NFIA: variants seen among roughly 807,000 people sequenced by gnomAD.
NFIA encodes nuclear factor I A.
In NFIA, 8 loss-of-function variants were observed where a neutral mutation model predicts 62.8. The observed-to-expected ratio is 0.13, with a 90% CI of 0.07 to 0.23. The LOEUF is 0.23. Among genes scored for constraint, NFIA ranks in the 10% least tolerant of loss-of-function variants. The probability of loss-of-function intolerance (pLI) is 1.00; values close to 1 mark genes in which losing one functional copy is unlikely to be tolerated. For synonymous variants in NFIA, 235 were observed against 238.1 expected (o/e 0.99, Z 0.12); for missense variants, 410 against 642.1 (o/e 0.64, Z 3.91).
At chr1:61,293,620 A>G (rs953802901) in intron 3 of NFIA, among the ~76,000 whole-genome samples, 5 of 151,642 alleles carry the variant, frequency 3.3e-5, no homozygotes, top group Non-Finnish European at 5.9e-5. Flanking sequence ...CTTCTTTGGC[A>G]TCCACCTTTC....
At chr1:61,196,956 G>C (rs1652061011) in intron 2 of NFIA, among the ~76,000 whole-genome samples, 1 of 151,888 alleles carries the variant, frequency 6.6e-6, no homozygotes, top group South Asian at 2.1e-4. Flanking sequence ...CGCGCGCTGT[G>C]TGTGTGTGAT....
chr1:61,319,903 G>T (rs1245282444), intron 3 of NFIA, among the ~76,000 whole-genome samples: 1 of 151,502 alleles, frequency 6.6e-6, no homozygotes, highest in Non-Finnish European at 1.5e-5. Flanking sequence ...ACTCTGATCT[G>T]GGCAGAGATT....
At chr1:61,406,142 C>T (rs74089323) in intron 8 of NFIA, among the ~76,000 whole-genome samples, 13,432 of 151,902 alleles carry the variant, frequency 0.088, 1,709 homozygotes, top group African/African-American at 0.28. Context: ...TGCCACAGTC[C>T]ATAAAACACT....
intron 9 of NFIA, among the ~76,000 whole-genome samples, chr1:61,421,794 C>A (rs1666634168): frequency 6.6e-6 from 1 of 152,160 alleles, no homozygotes; most frequent in Non-Finnish European, 1.5e-5. Flanking sequence ...CGGAAGAAAT[C>A]TGGCTAAATT....
chr1:61,439,089 A>G (rs942326437), intron 10 of NFIA, among the ~76,000 whole-genome samples: 5 of 151,646 alleles, frequency 3.3e-5, no homozygotes, highest in Non-Finnish European at 4.4e-5. Flanking sequence ...CTGAACATCA[A>G]TTACCTATCT....
At position 61,146,644 on chromosome 1, in the gene NFIA, G is replaced by A. The variant is rs74688459; in HGVS notation, c.559+57964G>A. ...CTCTGTGTTTGTGATTCTGTGTCAC[G>A]CTCTGTGTAAGTGACTCCATGATCA... On this transcript the variant is annotated intron_variant, in intron 2 of 10. Transcript: ENST00000403491. Among the ~76,000 whole-genome samples, 1,555 of 152,136 alleles carry A rather than the reference G, an allele frequency of 0.01. 71 individuals carry two copies. In the East Asian group the frequency reaches 0.15, roughly 14 times the overall value.
At chr1:61,207,351 A>G (rs1652964841) in intron 2 of NFIA, among the ~76,000 whole-genome samples, 1 of 152,176 alleles carries the variant, frequency 6.6e-6, no homozygotes. Flanking sequence ...CTCTCTCTCC[A>G]TGATTTTTAG....
intron 2 of NFIA, among the ~76,000 whole-genome samples, chr1:61,274,916 G>C (rs1657716610): frequency 6.6e-6 from 1 of 152,024 alleles, no homozygotes; most frequent in African/African-American, 2.4e-5. Context: ...GCTCCTTCTT[G>C]GCTGAAAAAG....
chr1:61,414,497 T>C (rs1179502329), intron 9 of NFIA, among the ~76,000 whole-genome samples: 1 of 151,986 alleles, frequency 6.6e-6, no homozygotes, highest in East Asian at 1.9e-4. Flanking sequence ...CATGAGGATC[T>C]TTGCTTTAGC....
intron 3 of NFIA, among the ~76,000 whole-genome samples, chr1:61,328,671 G>A (rs963875964): frequency 2.6e-5 from 4 of 151,686 alleles, no homozygotes; most frequent in Non-Finnish European, 5.9e-5. Context: ...TGCCTGCCTC[G>A]GCCTCCCAAA....
At chr1:61,402,251 G>A (rs1665605014) in intron 7 of NFIA, among the ~76,000 whole-genome samples, 1 of 151,564 alleles carries the variant, frequency 6.6e-6, no homozygotes, top group African/African-American at 2.4e-5. Context: ...TGTTACCCAG[G>A]GTGGTCTCAA....
chr1:61,096,456 G>A (rs1219738206), intron 2 of NFIA, among the ~76,000 whole-genome samples: 1 of 151,814 alleles, frequency 6.6e-6, no homozygotes, highest in Non-Finnish European at 1.5e-5. Flanking sequence ...CACCTGCCTC[G>A]GCCTGCCAAA....
At chr1:61,235,948 G>A (rs1654988260) in intron 2 of NFIA, among the ~76,000 whole-genome samples, 2 of 152,120 alleles carry the variant, frequency 1.3e-5, no homozygotes, top group Admixed American at 6.5e-5. Context: ...GTTGTTTTAG[G>A]TTAGTGCCTG....
intron 9 of NFIA, among the ~76,000 whole-genome samples, chr1:61,418,386 G>A (rs1283639821): frequency 6.6e-6 from 1 of 152,052 alleles, no homozygotes; most frequent in African/African-American, 2.4e-5. Context: ...CTTGAGCCCA[G>A]CAGGTCAAGG....
intron 5 of NFIA, among the ~76,000 whole-genome samples, chr1:61,353,775 T>C (rs1662680122): frequency 6.6e-6 from 1 of 152,194 alleles, no homozygotes. Flanking sequence ...TACCATCATC[T>C]TTCATGTTGT....
intron 2 of NFIA, among the ~76,000 whole-genome samples, chr1:61,237,697 G>A (rs976018207): frequency 5.3e-5 from 8 of 152,006 alleles, no homozygotes; most frequent in African/African-American, 1.9e-4. Context: ...ACTATTTTGT[G>A]AGTTTACTAC....
chr1:61,234,913 G>A (rs1654899566), intron 2 of NFIA, among the ~76,000 whole-genome samples: 2 of 152,170 alleles, frequency 1.3e-5, no homozygotes, highest in Non-Finnish European at 2.9e-5. Flanking sequence ...AAACACAATA[G>A]CTGCGATTGG....
chr1:61,385,537 A>T (rs567610539), intron 7 of NFIA, among the ~76,000 whole-genome samples: 26 of 152,300 alleles, frequency 1.7e-4, no homozygotes, highest in African/African-American at 6.3e-4. Flanking sequence ...ATTTGTGGAG[A>T]TTCCATGAAG....
intron 7 of NFIA, among the ~76,000 whole-genome samples, chr1:61,392,167 C>T (rs992878960): frequency 2.0e-5 from 3 of 151,590 alleles, no homozygotes; most frequent in Non-Finnish European, 2.9e-5. Flanking sequence ...TAATGGGCAG[C>T]GTTGTGGATG....
Sources: allele counts gnomAD v4.1 joint callset (sites outside exome capture counted in the v4.1 genomes callset), GRCh38; gene constraint gnomAD v4.1.1; transcripts MANE v1.5; gene names NCBI Gene and HGNC (gene_info 2026-07-23, HGNC 2026-07-21).